The following WDR91 variants were observed in gnomAD, a reference collection of about 807,000 sequenced individuals.
WDR91 encodes the protein WD repeat-containing protein 91.
WDR91 carries 52 observed loss-of-function variants against 88.4 expected under a neutral mutation model. The observed-to-expected ratio is 0.59, with a 90% CI of 0.47 to 0.74. The LOEUF (loss-of-function observed/expected upper bound fraction) is 0.74. Ranked by LOEUF, WDR91 falls within the 30% of genes least tolerant of loss-of-function variation. The pLI, the probability that WDR91 is intolerant of heterozygous loss-of-function variation, is 0.00. For synonymous variants in WDR91, 362 were observed against 389.5 expected, an observed-to-expected ratio of 0.93 and a Z score of 0.83; for missense variants, 824 against 954.5, an observed-to-expected ratio of 0.86 and a Z score of 1.80.
intron 4 of WDR91, 70 bp from the exon 5 acceptor site, chr7:135,206,128 G>C (rs1023847668): frequency 5.0e-6 from 8 of 1,602,592 alleles, no homozygotes; most frequent in Non-Finnish European, 6.8e-6. Context: ...AAGATTTCTA[G>C]ACACATCGCA....
At chr7:135,187,249 C>G in intron 13 of WDR91, 80 bp from the exon 14 acceptor site, 1 of 1,498,740 alleles carries the variant, frequency 6.7e-7, no homozygotes, top group Non-Finnish European at 9.1e-7. Context: ...GGACCCACCC[C>G]ACAGCAGAGG....
chr7:135,197,034 T>G (rs1831400875), intron 7 of WDR91: 1 of 152,290 alleles, frequency 6.6e-6, no homozygotes. Flanking sequence ...GGCTACCATC[T>G]GGTGCTCACC....
chr7:135,193,608 C>A lies in WDR91; in HGVS notation c.1460G>T (p.Cys487Phe). 1 of 1,614,180 alleles carries A rather than the reference C, an allele frequency of 6.2e-7. No homozygotes were observed. The highest frequency in any genetic ancestry group is 2.2e-5 in the East Asian group (1 of 44,880). Residue 487 changes from cysteine (C) to phenylalanine (F), a missense_variant, in exon 10 of 15, where the codon TGT becomes TTT. Transcript: ENST00000354475. The stretch of plus-strand genomic sequence containing the variant: ...CATGTTGTCGTTGATATTGATTTCA[C>A]AGAGATTCTTCTTGGCTTCCGTGTC... ...LYDTEAKKNL[C>F]EININDNMPR... is the part of the protein sequence containing the mutation.
chr7:135,197,688 G>A, intron 7 of WDR91: 1 of 255,494 alleles, frequency 3.9e-6, no homozygotes, highest in East Asian at 7.7e-5. Flanking sequence ...ATTAACCTAA[G>A]GGAAGGATGA....
rs1053587425 is a variant in WDR91, at chr7:135,207,340, C to T, written c.512-138G>A. 16 of 719,174 alleles carry T rather than the reference C, an allele frequency of 2.2e-5. No homozygotes were observed. In the African/African-American group the frequency reaches 2.3e-4, roughly 10 times the overall value. 44.5% of individuals were successfully genotyped at this position (719,174 alleles called of 1,614,324 possible). ...GAGCGGTGCTGTGGGCTCTTGCGGG[C>T]TTAATGAAATAGTCGCTCCCTACAG... On this transcript the variant is annotated intron_variant, in intron 3 of 14. Transcript: ENST00000354475.
In WDR91 at chr7:135,196,184, C is replaced by T. The variant is rs1239653090; in HGVS notation, c.1204G>A (p.Glu402Lys). 6.3e-7 allele frequency: 1 copy of T among 1,597,834 alleles called. No homozygotes were observed. Among genetic ancestry groups the T allele is most frequent in the South Asian group, 1.1e-5 (1 of 89,176 alleles). Residue 402 changes from glutamate to lysine, a missense_variant, in exon 8 of 15, where the codon GAG becomes AAG. Coordinates refer to ENST00000354475, the MANE Select transcript of WDR91 (RefSeq NM_014149.4). The surrounding 1 kb of genome is among the most constrained non-coding windows in gnomAD (Gnocchi z 4.2). ...GATGAGTGGTGTTCCCCGTACTCCT[C>T]CTGTCCCAGCACAATAAAGGGCTGC... ...PEQPFIVLGQ[E>K]EYGEHHSSIM...
At position 135,204,308 on chromosome 7, in the gene WDR91, T is replaced by A; in HGVS notation, c.851A>T (p.Gln284Leu). Residue 284 changes from glutamine (Q) to leucine (L), a missense_variant, in exon 6 of 15, where the codon CAA becomes CTA. Transcript: ENST00000354475. ...SRLSPAQGPP[Q>L]PQSSAKKESF... ...CTCTTTCTTGGCCGAGCTCTGAGGTTGAGGAGGGCCCTGAGCAGGCGACAA... is the reference window on the plus strand; with the variant it reads ...CTCTTTCTTGGCCGAGCTCTGAGGTAGAGGAGGGCCCTGAGCAGGCGACAA... 6.2e-7 allele frequency: 1 copy of A among 1,614,100 alleles called. No individual in the cohort carries two copies. The highest frequency in any genetic ancestry group is 8.5e-7 in the Non-Finnish European group (1 of 1,180,010).
At chr7:135,202,413 G>A (rs1831607590) in intron 6 of WDR91, 1 of 152,178 alleles carries the variant, frequency 6.6e-6, no homozygotes, top group Admixed American at 6.5e-5. Flanking sequence ...TCTTCACTGA[G>A]GAACTACAAA....
rs1031004314 is a variant in WDR91, at chr7:135,196,589, C to A, written c.1051-252G>T. 2.6e-5 allele frequency among the ~76,000 whole-genome samples: 4 copies of A among 152,150 alleles called. No homozygotes were observed. The highest frequency in any genetic ancestry group is 4.4e-5 in the Non-Finnish European group (3 of 68,022). On this transcript the variant is annotated intron_variant, in intron 7 of 14. Coordinates refer to ENST00000354475, the MANE Select transcript of WDR91 (RefSeq NM_014149.4). The surrounding 1 kb of genome is among the most constrained non-coding windows in gnomAD (Gnocchi z 4.2). Reference sequence around the variant, plus strand: ...CCTGCTGAAGGAGAGGGGGCTGTGGCCTCTCTGTGACACAGCTGATGGGAC... The same window carrying A: ...CCTGCTGAAGGAGAGGGGGCTGTGGACTCTCTGTGACACAGCTGATGGGAC...
intron 6 of WDR91, chr7:135,202,469 AT>A (rs1332963473): frequency 6.6e-6 from 1 of 152,222 alleles, no homozygotes; most frequent in Non-Finnish European, 1.5e-5. Flanking sequence ...TTGTTCCATT[AT>A]ATTTTAGAGG....
intron 5 of WDR91, among the ~76,000 whole-genome samples, chr7:135,204,900 G>GT (rs572535363): frequency 0.018 from 2,638 of 147,874 alleles, 37 homozygotes; most frequent in Middle Eastern, 0.055. Flanking sequence ...ACTTCATCTT[G>GT]TTTTTTTTTT....
chr7:135,197,667 T>A, intron 7 of WDR91: 1 of 201,628 alleles, frequency 5.0e-6, no homozygotes. Context: ...CACCACAGGC[T>A]GCTTAGCACA....
intron 5 of WDR91, among the ~76,000 whole-genome samples, chr7:135,205,241 A>C (rs1245392195): frequency 2.6e-5 from 4 of 152,238 alleles, no homozygotes; most frequent in African/African-American, 9.6e-5. Context: ...GAATGCATCC[A>C]ACCTGTGGTT....
intron 14 of WDR91, among the ~76,000 whole-genome samples, chr7:135,186,704 G>A (rs1243675648): frequency 6.6e-6 from 1 of 152,256 alleles, no homozygotes; most frequent in Non-Finnish European, 1.5e-5. Context: ...CTGCAGGAGA[G>A]CAGGGCCTCG....
In WDR91 at chr7:135,208,810, G is replaced by A. The variant is rs145756478; in HGVS notation, c.492C>T (p.Ser164=). 4.2e-5 allele frequency: 67 copies of A among 1,610,266 alleles called. No individual in the cohort carries two copies. The highest frequency in any genetic ancestry group is 1.1e-4 in the African/African-American group (8 of 74,994). The part of the protein sequence containing the change: ...TFIVSLHNFL[S]VLFQCMPVPV... The stretch of plus-strand genomic sequence containing the variant: ...GGATATGCATGCACTGAAACAGGAC[G>A]CTCAGGAAGTTGTGCAGGGACACAA... The change falls in exon 3 of 15, where the codon AGC becomes AGT. Residue 164 remains serine, a synonymous_variant. Coordinates refer to ENST00000354475, the MANE Select transcript of WDR91 (RefSeq NM_014149.4).
At chr7:135,195,901 C>T (rs1480537211) in intron 8 of WDR91, among the ~76,000 whole-genome samples, 8 of 151,754 alleles carry the variant, frequency 5.3e-5, no homozygotes, top group South Asian at 2.1e-4. Flanking sequence ...GAGCCAAGAT[C>T]GTGCCACTGC....
chr7:135,206,491 A>T (rs770455510), intron 4 of WDR91, among the ~76,000 whole-genome samples: 8 of 152,026 alleles, frequency 5.3e-5, no homozygotes, highest in Admixed American at 2.6e-4. Context: ...ACACACCCCA[A>T]ATCCCAAGAA....
chr7:135,188,538 C>T lies in WDR91; in HGVS notation c.1776G>A (p.Gln592=), dbSNP rs1356352496. The stretch of plus-strand genomic sequence containing the variant: ...TCCAGCTCATCGCGCACTCATGCTG[C>T]TGCATGTCTGAGGCAATGAGACACG... ...ADGVIRLFDM[Q]QHECAMSWRA... Residue 592 remains glutamine, a synonymous_variant, in exon 13 of 15, where the codon CAG becomes CAA. Transcript: ENST00000354475. 2 of 1,613,328 alleles carry T rather than the reference C, an allele frequency of 1.2e-6. No individual in the cohort carries two copies. Among genetic ancestry groups the T allele is most frequent in the Non-Finnish European group, 1.7e-6 (2 of 1,179,900 alleles).
chr7:135,198,203 G>A lies in WDR91; in HGVS notation c.892-52C>T, dbSNP rs766658278. ...GTCTCTTCCCATCTGCCCAGGCCATGATAAGCATGCCAGGAGTGGTCAGCC... is the reference window on the plus strand; with the variant it reads ...GTCTCTTCCCATCTGCCCAGGCCATAATAAGCATGCCAGGAGTGGTCAGCC... On this transcript the variant is annotated intron_variant, in intron 6 of 14. Coordinates refer to ENST00000354475, the MANE Select transcript of WDR91 (RefSeq NM_014149.4). 60 of 1,579,154 alleles carry A rather than the reference G, an allele frequency of 3.8e-5. No homozygotes were observed. In the African/African-American group the frequency reaches 7.4e-4, roughly 19 times the overall value.
Sources: allele counts gnomAD v4.1 joint callset (sites outside exome capture counted in the v4.1 genomes callset), GRCh38; gene constraint gnomAD v4.1.1; non-coding constraint Gnocchi (gnomAD v3.1); transcripts MANE v1.5; gene names NCBI Gene and HGNC (gene_info 2026-07-23, HGNC 2026-07-21).